Variants in NELL2 observed in about 807,000 individuals in gnomAD.
NELL2 encodes protein kinase C-binding protein NELL2.
NELL2 carries 41 observed loss-of-function variants against 109.6 expected under a neutral mutation model. The observed-to-expected ratio is 0.37, with a 90% CI of 0.29 to 0.49. The LOEUF is 0.49. Ranked by LOEUF, NELL2 falls within the 20% of genes least tolerant of loss-of-function variation. The pLI, the probability that NELL2 is intolerant of heterozygous loss-of-function variation, is 0.98. For missense variants in NELL2, 900 were observed against 1,008.3 expected (o/e 0.89, Z 1.45); for synonymous variants, 355 against 344.7 (o/e 1.03, Z -0.33).
rs373707945 is a variant in NELL2 at position 44,755,209 on chromosome 12, A to G, written c.994+19538T>C. ...ATGCCCCATGGACTTCCCAAAGGGT[A>G]GCTGCAAATTCTTTTACCACCATGG... On this transcript the variant is annotated intron_variant, in intron 9 of 19. Transcript: ENST00000429094. 2.8e-3 allele frequency among the ~76,000 whole-genome samples: 419 copies of G among 152,242 alleles called. 3 individuals carry two copies. The highest frequency in any genetic ancestry group is 7.0e-3 in the South Asian group (34 of 4,830).
intron 17 of NELL2, 82 bp downstream of exon 17, chr12:44,523,209 A>G: frequency 7.3e-7 from 1 of 1,371,464 alleles, no homozygotes; most frequent in Non-Finnish European, 1.0e-6. Context: ...CATTGTCAAA[A>G]CTCATCAAGC....
chr12:44,788,462 G>A (rs1339685940), intron 3 of NELL2, among the ~76,000 whole-genome samples: 1 of 152,184 alleles, frequency 6.6e-6, no homozygotes, highest in Non-Finnish European at 1.5e-5. Context: ...TCAATCTAGA[G>A]AGCCTAGTCA....
At chr12:44,896,236 A>G (rs1339816395) in intron 1 of NELL2, among the ~76,000 whole-genome samples, 1 of 152,180 alleles carries the variant, frequency 6.6e-6, no homozygotes, top group Non-Finnish European at 1.5e-5. Flanking sequence ...GTGGTTGCTA[A>G]ATATATATGC....
chr12:44,673,197 T>C (rs1202656275), intron 12 of NELL2, among the ~76,000 whole-genome samples: 7 of 152,164 alleles, frequency 4.6e-5, no homozygotes, highest in African/African-American at 1.4e-4. Flanking sequence ...TGTACTGAAA[T>C]TGCAAAGTTA....
intron 13 of NELL2, among the ~76,000 whole-genome samples, chr12:44,640,787 T>C (rs549957577): frequency 1.7e-4 from 26 of 152,212 alleles, no homozygotes; most frequent in Admixed American, 2.6e-4. Context: ...TGCTTTTCTG[T>C]TCAGTAATGT....
At chr12:44,836,645 T>C (rs1254413141) in intron 2 of NELL2, among the ~76,000 whole-genome samples, 1 of 152,120 alleles carries the variant, frequency 6.6e-6, no homozygotes, top group Non-Finnish European at 1.5e-5. Context: ...GAGAAAGTCC[T>C]AAGGCAAAGA....
At chr12:44,747,422 A>T (rs1940433073) in intron 9 of NELL2, among the ~76,000 whole-genome samples, 1 of 151,916 alleles carries the variant, frequency 6.6e-6, no homozygotes, top group African/African-American at 2.4e-5. Context: ...CACGTTGTGC[A>T]CATGTACCCT....
intron 13 of NELL2, among the ~76,000 whole-genome samples, chr12:44,618,908 G>C (rs1272989702): frequency 6.6e-6 from 1 of 152,214 alleles, no homozygotes; most frequent in African/African-American, 2.4e-5. Context: ...GTAGGTATTA[G>C]TTTTATTTTT....
At chr12:44,649,394 C>T (rs761480666) in intron 13 of NELL2, among the ~76,000 whole-genome samples, 17 of 152,196 alleles carry the variant, frequency 1.1e-4, no homozygotes, top group Non-Finnish European at 1.9e-4. Context: ...CAACCTGCTG[C>T]CACTTGGCAA....
chr12:44,918,633 A>C (rs1479876115), upstream of NELL2, among the ~76,000 whole-genome samples: 1 of 151,556 alleles, frequency 6.6e-6, no homozygotes, highest in East Asian at 1.9e-4. Context: ...CGCACAGGCA[A>C]GTATTTAAAA....
intron 2 of NELL2, among the ~76,000 whole-genome samples, chr12:44,864,072 G>T (rs1025416876): frequency 6.6e-5 from 10 of 151,982 alleles, no homozygotes; most frequent in Non-Finnish European, 1.3e-4. Context: ...ATACATAAAA[G>T]ATAAAAGGAA....
intron 2 of NELL2, among the ~76,000 whole-genome samples, chr12:44,818,639 G>A (rs1319601065): frequency 1.3e-5 from 2 of 151,078 alleles, no homozygotes; most frequent in Non-Finnish European, 2.9e-5. Flanking sequence ...ATACACAGAA[G>A]AACTTTATTA....
At chr12:44,823,874 T>C (rs567018676) in intron 2 of NELL2, among the ~76,000 whole-genome samples, 9 of 152,342 alleles carry the variant, frequency 5.9e-5, no homozygotes, top group African/African-American at 1.9e-4. Context: ...AGGGTTCCCT[T>C]TTCTCCTCGT....
intron 15 of NELL2, among the ~76,000 whole-genome samples, chr12:44,534,731 G>A (rs1436228943): frequency 6.6e-6 from 1 of 152,028 alleles, no homozygotes; most frequent in Non-Finnish European, 1.5e-5. Flanking sequence ...GAGTTTTATT[G>A]GAAGAAAGCC....
At chr12:44,815,798 T>C in intron 3 of NELL2, 188 bp downstream of exon 3, 2 of 516,426 alleles carry the variant, frequency 3.9e-6, no homozygotes, top group East Asian at 4.0e-5. Flanking sequence ...TTTGTATTTT[T>C]AGAAGAGACA....
At chr12:44,791,183 C>CATGT (rs1942407855) in intron 3 of NELL2, among the ~76,000 whole-genome samples, 1 of 15,090 alleles carries the variant, frequency 6.6e-5, no homozygotes, top group South Asian at 6.0e-3. Flanking sequence ...AGTATTCCAT[C>CATGT]ATATATATAT....
At chr12:44,695,907 G>A (rs1001838225) in intron 12 of NELL2, among the ~76,000 whole-genome samples, 2 of 152,066 alleles carry the variant, frequency 1.3e-5, no homozygotes, top group Admixed American at 6.6e-5. Context: ...TTGCTTGAGG[G>A]CAAGAGGCTG....
At chr12:44,648,172 C>T (rs1176838713) in intron 13 of NELL2, among the ~76,000 whole-genome samples, 1 of 152,182 alleles carries the variant, frequency 6.6e-6, no homozygotes, top group Non-Finnish European at 1.5e-5. Context: ...CTGAAGCTTC[C>T]TCCCACTAGA....
intron 15 of NELL2, among the ~76,000 whole-genome samples, chr12:44,536,502 G>C (rs1942299672): frequency 6.6e-6 from 1 of 151,984 alleles, no homozygotes; most frequent in South Asian, 2.1e-4. Context: ...GAAAATAGCA[G>C]ACCTGGGGAA....
Sources: allele counts gnomAD v4.1 joint callset (sites outside exome capture counted in the v4.1 genomes callset), GRCh38; gene constraint gnomAD v4.1.1; transcripts MANE v1.5; gene names NCBI Gene and HGNC (gene_info 2026-07-23, HGNC 2026-07-21).